LPCAT2: variants seen among roughly 807,000 people sequenced by gnomAD.
LPCAT2 encodes the protein 1-AGP acyltransferase 11.
A neutral mutation model predicts 64.7 loss-of-function variants in LPCAT2; 58 were observed. That is an observed-to-expected ratio of 0.90 (90% CI 0.73 to 1.12). The LOEUF (loss-of-function observed/expected upper bound fraction) is 1.12, where lower values mean the gene tolerates loss of function less well. Among genes scored for constraint, LPCAT2 ranks in the 50% most tolerant of loss-of-function variants. LPCAT2 has a pLI of 0.00. For missense variants in LPCAT2, 579 were observed against 669.8 expected, an observed-to-expected ratio of 0.86 and a Z score of 1.50; for synonymous variants, 252 against 245.3, an observed-to-expected ratio of 1.03 and a Z score of -0.26.
intron 1 of LPCAT2, among the ~76,000 whole-genome samples, chr16:55,518,335 T>C (rs1197667266): frequency 6.6e-6 from 1 of 152,220 alleles, no homozygotes; most frequent in Non-Finnish European, 1.5e-5. Flanking sequence ...ATAGTTAAGA[T>C]AATGACACTT....
chr16:55,530,354 G>A (rs577698334), intron 4 of LPCAT2, among the ~76,000 whole-genome samples: 149 of 152,100 alleles, frequency 9.8e-4, no homozygotes, highest in African/African-American at 3.5e-3. Context: ...ATTGTGGTGG[G>A]TAAGTGATTA....
intron 1 of LPCAT2, among the ~76,000 whole-genome samples, chr16:55,517,045 A>G (rs1366470467): frequency 6.6e-6 from 1 of 152,212 alleles, no homozygotes; most frequent in East Asian, 1.9e-4. Flanking sequence ...TTCCAAAGTA[A>G]TAATAAAACA....
chr16:55,529,985 G>A, intron 4 of LPCAT2, 38 bp downstream of exon 4: 1 of 1,458,916 alleles, frequency 6.9e-7, no homozygotes, highest in Non-Finnish European at 9.4e-7. Context: ...TATAGTGGGA[G>A]TTTATTAATT....
intron 7 of LPCAT2, among the ~76,000 whole-genome samples, chr16:55,534,706 C>T (rs1007715955): frequency 3.3e-5 from 5 of 152,150 alleles, no homozygotes; most frequent in African/African-American, 1.2e-4. Context: ...AAATTCTAGT[C>T]ATCTGTCCCA....
At chr16:55,560,445 A>G (rs1963623327) in intron 11 of LPCAT2, among the ~76,000 whole-genome samples, 1 of 152,270 alleles carries the variant, frequency 6.6e-6, no homozygotes, top group South Asian at 2.1e-4. Flanking sequence ...AATAGGTTGC[A>G]GTCACCACAC....
intron 11 of LPCAT2, chr16:55,566,711 T>C (rs781556375): frequency 6.5e-7 from 1 of 1,550,160 alleles, no homozygotes; most frequent in Non-Finnish European, 8.7e-7. Flanking sequence ...TCTTTTTTCA[T>C]ACCATCTCTA....
At chr16:55,529,305 A>T (rs1311777544) in intron 3 of LPCAT2, among the ~76,000 whole-genome samples, 1 of 148,512 alleles carries the variant, frequency 6.7e-6, no homozygotes, top group African/African-American at 2.5e-5. Context: ...CAGCTAAGAC[A>T]TTTTTTTTTT....
chr16:55,527,567 A>T (rs780078438), intron 2 of LPCAT2, among the ~76,000 whole-genome samples: 1 of 151,346 alleles, frequency 6.6e-6, no homozygotes, highest in African/African-American at 2.4e-5. Context: ...GCTTATTCAC[A>T]TACTGAGATA....
At chr16:55,577,281 A>T (rs1963838124) in intron 12 of LPCAT2, among the ~76,000 whole-genome samples, 1 of 151,368 alleles carries the variant, frequency 6.6e-6, no homozygotes, top group African/African-American at 2.4e-5. Flanking sequence ...CCATTAAAAC[A>T]TGATTCAGTA....
chr16:55,567,411 A>G lies in LPCAT2; in HGVS notation c.1216-7220A>G, dbSNP rs1485976096. On this transcript the variant is annotated intron_variant, in intron 11 of 13. Transcript: ENST00000262134. ...CAGCTGCTTGGTCCGCCTGGATGCC[A>G]TGTTTCGTGCCTTCAAGTCTCTGGA... 4.3e-6 allele frequency: 7 copies of G among 1,613,738 alleles called. No individual in the cohort carries two copies. In the African/African-American group the frequency reaches 5.3e-5, roughly 12 times the overall value.
intron 1 of LPCAT2, among the ~76,000 whole-genome samples, chr16:55,511,375 A>G (rs1962929723): frequency 6.6e-6 from 1 of 152,208 alleles, no homozygotes; most frequent in Non-Finnish European, 1.5e-5. Flanking sequence ...TAGGCATGGT[A>G]GAAAAACAAT....
chr16:55,573,741 T>C (rs1456429983), intron 11 of LPCAT2, among the ~76,000 whole-genome samples: 3 of 152,070 alleles, frequency 2.0e-5, no homozygotes, highest in Non-Finnish European at 4.4e-5. Context: ...TTTCTAACAC[T>C]TCCATCTCAT....
In LPCAT2 at chr16:55,582,955, A is replaced by G. The variant is rs1327402602; in HGVS notation, c.1492A>G (p.Lys498Glu). 7.4e-6 allele frequency: 12 copies of G among 1,613,454 alleles called. No individual in the cohort carries two copies. The highest frequency in any genetic ancestry group is 2.2e-5 in the South Asian group (2 of 91,040). Residue 498 changes from lysine to glutamate, a missense_variant, in exon 14 of 14, where the codon AAG becomes GAG. By Grantham distance (56) the Lys-to-Glu change is moderately conservative. Coordinates refer to ENST00000262134, the MANE Select transcript of LPCAT2 (RefSeq NM_017839.5). Reference sequence around the variant, plus strand: ...TGCCTTAAAGCATCCAGAATATGCTAAGATATTTACAACATACCTAGACCT... The same window carrying G: ...TGCCTTAAAGCATCCAGAATATGCTGAGATATTTACAACATACCTAGACCT... ...SFALKHPEYA[K>E]IFTTYLDLQT... is the part of the protein sequence containing the mutation.
At chr16:55,574,880 A>T in intron 12 of LPCAT2, 151 bp downstream of exon 12, 1 of 556,684 alleles carries the variant, frequency 1.8e-6, no homozygotes, top group Non-Finnish European at 3.1e-6. Context: ...GTCAGTTGCT[A>T]CTAAGAATAA....
In LPCAT2 at chr16:55,549,313, AG is replaced by A; in HGVS notation, c.973del (p.Asp325ThrfsTer4). On this transcript the variant is annotated frameshift_variant, in exon 10 of 14. Transcript: ENST00000262134. LOFTEE classifies it high-confidence loss of function. ...TACCAGTAACAGATCATACCTATGA[AG>A]ACTGCAGATTGATGATTTCAGCAGG... ...GIPVTDHTYEDCRLMISAGQL... is the reference protein window; with the variant it reads ...GIPVTDHTYEXCRLMISAGQL... 1 of 1,603,970 alleles carries A rather than the reference AG, an allele frequency of 6.2e-7. No homozygotes were observed.
At position 55,583,269 on chromosome 16, in the gene LPCAT2, G is replaced by A; in HGVS notation, c.*171G>A. On this transcript the variant is annotated 3_prime_UTR_variant, in exon 14 of 14. Transcript: ENST00000262134. ...GTTTTTATTAACCTTGCTTTTATTG[G>A]AAAAAATCAAGCAATATTTCGTTTT... 2 of 577,442 alleles carry A rather than the reference G, an allele frequency of 3.5e-6. No homozygotes were observed. Among genetic ancestry groups the A allele is most frequent in the Non-Finnish European group, 5.8e-6 (2 of 342,242 alleles). The allele number at this position is 577,442 out of a possible 1,614,324, so 35.8% of individuals were successfully genotyped here. A position where few individuals can be genotyped will look rare whatever the true frequency, so the allele number is the denominator to read the frequency against.
intron 1 of LPCAT2, among the ~76,000 whole-genome samples, chr16:55,510,968 G>C (rs1366317289): frequency 6.6e-6 from 1 of 152,126 alleles, no homozygotes; most frequent in Non-Finnish European, 1.5e-5. Flanking sequence ...ACTGTTTAAA[G>C]ATCTCTTCCA....
intron 7 of LPCAT2, 37 bp from the exon 8 acceptor site, chr16:55,537,541 G>T: frequency 1.3e-6 from 2 of 1,506,054 alleles, no homozygotes; most frequent in South Asian, 2.3e-5. Flanking sequence ...ATACTTGCAT[G>T]ACTGTATAAA....
In LPCAT2 at chr16:55,529,186, T is replaced by A. The variant is rs187271065; in HGVS notation, c.529+592T>A. Among the ~76,000 whole-genome samples, 14 of 152,322 alleles carry A rather than the reference T, an allele frequency of 9.2e-5. No homozygotes were observed. In the East Asian group the frequency reaches 2.5e-3, roughly 27 times the overall value. On this transcript the variant is annotated intron_variant, in intron 3 of 13. Transcript: ENST00000262134. ...GAATTGTCTCCAAGTAACTACTCCC[T>A]GTTGTCCCAAGTTTATTGCAAACAT...
Sources: allele counts gnomAD v4.1 joint callset (sites outside exome capture counted in the v4.1 genomes callset), GRCh38; gene constraint gnomAD v4.1.1; transcripts MANE v1.5; gene names NCBI Gene and HGNC (gene_info 2026-07-23, HGNC 2026-07-21).